NAALADL2: variants seen among roughly 807,000 people sequenced by gnomAD.
NAALADL2 encodes the protein N-acetylated alpha-linked acidic dipeptidase like 2.
A neutral mutation model predicts 87.2 loss-of-function variants in NAALADL2; 76 were observed. The ratio of observed to expected loss-of-function variants is 0.87; its 90% CI spans 0.72 to 1.05. The LOEUF is 1.05. NAALADL2 is among the 50% of genes least tolerant of loss of function. The pLI is 0.00. For synonymous variants in NAALADL2, 354 were observed against 331.0 expected, an observed-to-expected ratio of 1.07 and a Z score of -0.75; for missense variants, 1,089 against 945.8, an observed-to-expected ratio of 1.15 and a Z score of -1.99.
At chr3:174,449,119 G>A (rs895022146) in intron 1 of NAALADL2, among the ~76,000 whole-genome samples, 9 of 152,088 alleles carry the variant, frequency 5.9e-5, no homozygotes, top group Non-Finnish European at 8.8e-5. Flanking sequence ...TTGATAATTC[G>A]AGGTTAGACA....
chr3:174,655,770 TTAAACA>T (rs1227050230), intron 2 of NAALADL2, among the ~76,000 whole-genome samples: 9 of 152,314 alleles, frequency 5.9e-5, no homozygotes, highest in African/African-American at 2.2e-4. Context: ...TATTTAGCTA[TTAAACA>T]TACCATTAAC....
chr3:175,184,346 T>A (rs185634904), intron 2 of NAALADL2, among the ~76,000 whole-genome samples: 62 of 152,262 alleles, frequency 4.1e-4, no homozygotes, highest in African/African-American at 1.4e-3. Context: ...AAGATAGGGA[T>A]ATTACAACTA....
At position 174,912,612 on chromosome 3, in the gene NAALADL2, C is replaced by G. The variant is rs564160484; in HGVS notation, c.43+53162C>G. Among the ~76,000 whole-genome samples, 13 of 152,286 alleles carry G rather than the reference C, an allele frequency of 8.5e-5. No individual in the cohort carries two copies. The East Asian group carries it at 1.2e-3, about 14-fold the overall frequency. ...ACCCCTCCTTTTCTAGCTTTCGCAG[C>G]CTTTTTCCCCTGATTAATTTATGCA... On this transcript the variant is annotated intron_variant, in intron 1 of 13. Coordinates refer to ENST00000454872, the MANE Select transcript of NAALADL2 (RefSeq NM_207015.3).
chr3:174,472,544 A>C (rs558238480), intron 1 of NAALADL2, among the ~76,000 whole-genome samples: 1 of 152,320 alleles, frequency 6.6e-6, no homozygotes, highest in African/African-American at 2.4e-5. Context: ...CCTTTGTTTT[A>C]AAATACCAAG....
chr3:175,185,010 A>G (rs1737122366), intron 2 of NAALADL2, among the ~76,000 whole-genome samples: 2 of 152,054 alleles, frequency 1.3e-5, no homozygotes, highest in Non-Finnish European at 2.9e-5. Flanking sequence ...GCCTGTGAGC[A>G]TTGTACAAAT....
At chr3:174,462,771 T>C (rs1262150926) in intron 1 of NAALADL2, among the ~76,000 whole-genome samples, 1 of 152,194 alleles carries the variant, frequency 6.6e-6, no homozygotes, top group East Asian at 1.9e-4. Flanking sequence ...AGTAAGCCAA[T>C]TCATGTTAAT....
chr3:175,534,044 AAATT>A (rs1195082253), intron 9 of NAALADL2, among the ~76,000 whole-genome samples: 7 of 150,152 alleles, frequency 4.7e-5, no homozygotes, highest in African/African-American at 1.7e-4. Flanking sequence ...TATTATAAAT[AAATT>A]ATTTATTTAT....
At chr3:175,427,238 A>G (rs1716962842) in intron 5 of NAALADL2, among the ~76,000 whole-genome samples, 2 of 152,212 alleles carry the variant, frequency 1.3e-5, no homozygotes, top group African/African-American at 4.8e-5. Flanking sequence ...AATTTACAAC[A>G]GAAGAAAGGA....
At position 175,216,039 on chromosome 3, in the gene NAALADL2, A is replaced by G. The variant is rs542512200; in HGVS notation, c.546-17892A>G. 3.4e-4 allele frequency among the ~76,000 whole-genome samples: 52 copies of G among 152,280 alleles called. No homozygotes were observed. The South Asian group carries it at 0.01, about 30-fold the overall frequency. ...ATGAATAATTTTAGTGCCAATTTGT[A>G]ATCATCCTTTCCAAAGATAACTTAA... On this transcript the variant is annotated intron_variant, in intron 2 of 13. Coordinates refer to ENST00000454872, the MANE Select transcript of NAALADL2 (RefSeq NM_207015.3).
intron 2 of NAALADL2, among the ~76,000 whole-genome samples, chr3:174,631,037 T>C (rs1232610259): frequency 6.6e-6 from 1 of 152,186 alleles, no homozygotes; most frequent in African/African-American, 2.4e-5. Flanking sequence ...TAGTAAAGTC[T>C]AGGGAGTAAC....
chr3:174,482,705 G>C (rs1201323307), intron 1 of NAALADL2, among the ~76,000 whole-genome samples: 1 of 151,856 alleles, frequency 6.6e-6, no homozygotes, highest in African/African-American at 2.4e-5. Context: ...CTTTTGCCAA[G>C]AGCTTCATAG....
intron 13 of NAALADL2, among the ~76,000 whole-genome samples, chr3:175,794,537 C>T (rs1299453085): frequency 6.6e-6 from 1 of 152,034 alleles, no homozygotes; most frequent in Non-Finnish European, 1.5e-5. Flanking sequence ...GTTAAACTAT[C>T]GAGCACTGTG....
At chr3:175,069,490 A>G (rs1217426782) in intron 1 of NAALADL2, among the ~76,000 whole-genome samples, 3 of 149,988 alleles carry the variant, frequency 2.0e-5, no homozygotes, top group East Asian at 1.9e-4. Context: ...TAGAATGGCA[A>G]TCATTAAAAA....
At chr3:175,260,246 A>G (rs1284853163) in intron 4 of NAALADL2, among the ~76,000 whole-genome samples, 1 of 152,116 alleles carries the variant, frequency 6.6e-6, no homozygotes, top group Non-Finnish European at 1.5e-5. Flanking sequence ...TTTTCCTTCT[A>G]GGCCTATTAA....
At chr3:174,664,803 G>T (rs148135624) in intron 2 of NAALADL2, among the ~76,000 whole-genome samples, 93 of 152,244 alleles carry the variant, frequency 6.1e-4, no homozygotes, top group African/African-American at 2.1e-3. Context: ...CTATCTCACT[G>T]GTTTGAATGT....
At chr3:175,740,814 C>G (rs1308538265) in intron 12 of NAALADL2, among the ~76,000 whole-genome samples, 2 of 152,114 alleles carry the variant, frequency 1.3e-5, no homozygotes, top group Non-Finnish European at 2.9e-5. Flanking sequence ...ACTTTACTTT[C>G]TTAATAAACT....
intron 3 of NAALADL2, among the ~76,000 whole-genome samples, chr3:174,769,887 C>A (rs1023314562): frequency 1.3e-5 from 2 of 151,834 alleles, no homozygotes. Flanking sequence ...TGTTAAAAAT[C>A]TTTTGGGTTT....
At chr3:175,314,797 G>A (rs939051084) in intron 4 of NAALADL2, among the ~76,000 whole-genome samples, 7 of 144,876 alleles carry the variant, frequency 4.8e-5, no homozygotes, top group Non-Finnish European at 9.0e-5. Context: ...AAGCAAAATA[G>A]CATCCATGTA....
intron 11 of NAALADL2, among the ~76,000 whole-genome samples, chr3:175,710,408 G>T (rs531294345): frequency 6.6e-6 from 1 of 151,864 alleles, no homozygotes; most frequent in East Asian, 1.9e-4. Context: ...ACGCAAAAAA[G>T]GCCAGATAGA....
Sources: gnomAD v4.1 joint callset for allele counts (sites outside exome capture counted in the v4.1 genomes callset) on GRCh38, gnomAD v4.1.1 for gene constraint, MANE v1.5 for transcripts, NCBI Gene and HGNC (gene_info 2026-07-23, HGNC 2026-07-21) for gene names.